CDC42EP5: variants seen among roughly 807,000 people sequenced by gnomAD.
CDC42EP5 encodes CDC42 effector protein 5, also known as CDC42 effector protein (Rho GTPase binding) 5.
For missense variants in CDC42EP5, 269 were observed against 238.0 expected, an observed-to-expected ratio of 1.13 and a Z score of -0.86; for synonymous variants, 118 against 123.3, an observed-to-expected ratio of 0.96 and a Z score of 0.28.
chr19:54,465,419 G>C lies in CDC42EP5; in HGVS notation c.129C>G (p.Phe43Leu). The C allele has an allele frequency of 6.9e-7, 1 of 1,450,924 alleles. No individual in the cohort carries two copies. 89.9% of individuals were successfully genotyped at this position (1,450,924 alleles called of 1,614,324 possible). A position where few individuals can be genotyped will look rare whatever the true frequency, so the allele number is the denominator to read the frequency against. ...TLHVGRGGDAFGDTSFLSRHG... is the reference protein window; with the variant it reads ...TLHVGRGGDALGDTSFLSRHG... The stretch of plus-strand genomic sequence containing the variant: ...GGCGGCTCAGGAACGAGGTGTCCCC[G>C]AAGGCGTCGCCGCCGCGCCCCACGT... The change falls in exon 3 of 3, where the codon TTC (phenylalanine) becomes TTG (leucine). Residue 43 changes from phenylalanine to leucine, a missense_variant. Physicochemically the swap from Phe to Leu is conservative, Grantham distance 22. Transcript: ENST00000301200.
Position 54,465,185 on chromosome 19 carries a change from C to A in CDC42EP5, c.363G>T (p.Ala121=). The A allele has an allele frequency of 7.0e-7, 1 of 1,427,886 alleles. No individual in the cohort carries two copies. The highest frequency in any genetic ancestry group is 3.0e-5 in the Admixed American group (1 of 33,392). 88.5% of individuals were successfully genotyped at this position (1,427,886 alleles called of 1,614,324 possible). ...GGGGCTGCGTCCCGGGGCGGGGTTC[C>A]GCGTCGGGCTTGGCGGCAGCCGCCT... The part of the protein sequence containing the change: ...RPEAAAAKPD[A]EPRPGTQPPQ... The change falls in exon 3 of 3, where the codon GCG becomes GCT. Residue 121 remains alanine, a synonymous_variant. Coordinates refer to ENST00000301200, the MANE Select transcript of CDC42EP5 (RefSeq NM_145057.4).
Position 54,465,336 on chromosome 19 carries a change from G to A in CDC42EP5, c.212C>T (p.Pro71Leu). 4 of 1,172,020 alleles carry A rather than the reference G, an allele frequency of 3.4e-6. No homozygotes were observed. Among genetic ancestry groups the A allele is most frequent in the Non-Finnish European group, 4.2e-6 (4 of 949,780 alleles). 72.6% of individuals were successfully genotyped at this position (1,172,020 alleles called of 1,614,324 possible). A position where few individuals can be genotyped will look rare whatever the true frequency, so the allele number is the denominator to read the frequency against. ...RAPPAGAPRS[P>L]PPPAVPQSAA... Reference sequence around the variant, plus strand: ...GGACTGCGGGACGGCGGGCGGCGGCGGGGAGCGCGGGGCCCCCGCGGGGGG... The same window carrying A: ...GGACTGCGGGACGGCGGGCGGCGGCAGGGAGCGCGGGGCCCCCGCGGGGGG... Residue 71 changes from proline (P) to leucine (L), a missense_variant, in exon 3 of 3, where the codon CCG becomes CTG. Transcript: ENST00000301200.
intron 2 of CDC42EP5, among the ~76,000 whole-genome samples, chr19:54,470,558 A>C (rs1203950522): frequency 6.6e-6 from 1 of 152,106 alleles, no homozygotes; most frequent in African/African-American, 2.4e-5. Flanking sequence ...GAAAAAAAGA[A>C]GGAAAGAAAG....
At chr19:54,469,816 TC>T (rs1278255238) in intron 2 of CDC42EP5, among the ~76,000 whole-genome samples, 1 of 152,012 alleles carries the variant, frequency 6.6e-6, no homozygotes, top group African/African-American at 2.4e-5. Context: ...CTGCCTCCAC[TC>T]TCTGCTGCCT....
Position 54,465,054 on chromosome 19 carries a change from T to A in CDC42EP5, c.*47A>T. ...GGCACACACCTTGGCCGTTTATGTA[T>A]ACAGAAGTGGGGTGCCGGGCGGGAA... On this transcript the variant is annotated 3_prime_UTR_variant, in exon 3 of 3. Transcript: ENST00000301200. The A allele has an allele frequency of 7.8e-7, 1 of 1,284,738 alleles. No homozygotes were observed. The highest frequency in any genetic ancestry group is 9.9e-7 in the Non-Finnish European group (1 of 1,011,488). 79.6% of individuals were successfully genotyped at this position (1,284,738 alleles called of 1,614,324 possible). A position where few individuals can be genotyped will look rare whatever the true frequency, so the allele number is the denominator to read the frequency against.
In CDC42EP5 at chr19:54,465,089, G is replaced by C; in HGVS notation, c.*12C>G. ...GGGTGCCGGGCGGGAAGGGCGCGGG[G>C]AATGAGGGAACCTAGAGGCCGATGA... On this transcript the variant is annotated 3_prime_UTR_variant, in exon 3 of 3. Coordinates refer to ENST00000301200, the MANE Select transcript of CDC42EP5 (RefSeq NM_145057.4). 7.6e-7 allele frequency: 1 copy of C among 1,322,330 alleles called. No individual in the cohort carries two copies. 81.9% of individuals were successfully genotyped at this position (1,322,330 alleles called of 1,614,324 possible). A position where few individuals can be genotyped will look rare whatever the true frequency, so the allele number is the denominator to read the frequency against.
At chr19:54,470,781 A>G (rs911956628) in intron 2 of CDC42EP5, among the ~76,000 whole-genome samples, 12 of 152,158 alleles carry the variant, frequency 7.9e-5, no homozygotes, top group African/African-American at 2.9e-4. Flanking sequence ...TGCGCGCCAG[A>G]TCTGGAATCC....
chr19:54,469,392 T>C (rs2084805549), intron 2 of CDC42EP5, among the ~76,000 whole-genome samples: 3 of 152,046 alleles, frequency 2.0e-5, no homozygotes, highest in Admixed American at 1.3e-4. Flanking sequence ...AAAAAAATCC[T>C]CTCTAGCTGC....
intron 2 of CDC42EP5, among the ~76,000 whole-genome samples, chr19:54,470,665 T>A (rs1339017135): frequency 6.6e-6 from 1 of 152,128 alleles, no homozygotes; most frequent in East Asian, 1.9e-4. Context: ...TCCCCATGAA[T>A]GAACTAATTT....
At chr19:54,468,087 T>C (rs1282539314) in intron 2 of CDC42EP5, among the ~76,000 whole-genome samples, 4 of 152,330 alleles carry the variant, frequency 2.6e-5, no homozygotes, top group Admixed American at 6.5e-5. Flanking sequence ...TCAGGATACA[T>C]AGAAAAGTCT....
In CDC42EP5 at chr19:54,473,202, T is replaced by G. The variant is rs1299358241; in HGVS notation, c.-280A>C. 1 of 152,846 alleles carries G rather than the reference T, an allele frequency of 6.5e-6. No individual in the cohort carries two copies. The highest frequency in any genetic ancestry group is 1.5e-5 in the Non-Finnish European group (1 of 68,578). 9.5% of individuals were successfully genotyped at this position (152,846 alleles called of 1,614,324 possible). On this transcript the variant is annotated 5_prime_UTR_variant, in exon 1 of 3. Coordinates refer to ENST00000301200, the MANE Select transcript of CDC42EP5 (RefSeq NM_145057.4). Reference sequence around the variant, plus strand: ...CAGGCTTTCTTATCCCCCAAAAGTTTGCCTCTAGGAGTTAAAGGACTAGAA... The same window carrying G: ...CAGGCTTTCTTATCCCCCAAAAGTTGGCCTCTAGGAGTTAAAGGACTAGAA...
chr19:54,467,568 CTT>C (rs550861744), intron 2 of CDC42EP5, among the ~76,000 whole-genome samples: 8 of 137,896 alleles, frequency 5.8e-5, no homozygotes, highest in East Asian at 2.1e-4. Context: ...GCACCAAATT[CTT>C]TTTTTTTTTT....
At position 54,465,292 on chromosome 19, in the gene CDC42EP5, C is replaced by A. The variant is rs866337782; in HGVS notation, c.256G>T (p.Asp86Tyr). 1 of 1,284,018 alleles carries A rather than the reference C, an allele frequency of 7.8e-7. No homozygotes were observed. Among genetic ancestry groups the A allele is most frequent in the African/African-American group, 1.5e-5 (1 of 64,848 alleles). 79.5% of individuals were successfully genotyped at this position (1,284,018 alleles called of 1,614,324 possible). Residue 86 changes from aspartate (D) to tyrosine (Y), a missense_variant, in exon 3 of 3, where the codon GAC becomes TAC. Coordinates refer to ENST00000301200, the MANE Select transcript of CDC42EP5 (RefSeq NM_145057.4). Reference sequence around the variant, plus strand: ...TCCAGGTGGAAGGACAGCAGCGGGTCGGCAGGCGAGGGCGCTGCGGACTGC... The same window carrying A: ...TCCAGGTGGAAGGACAGCAGCGGGTAGGCAGGCGAGGGCGCTGCGGACTGC... ...VPQSAAPSPA[D>Y]PLLSFHLDLG... is the part of the protein sequence containing the mutation.
intron 2 of CDC42EP5, among the ~76,000 whole-genome samples, chr19:54,467,831 A>G (rs184452652): frequency 2.6e-5 from 4 of 152,312 alleles, no homozygotes; most frequent in East Asian, 3.9e-4. Flanking sequence ...CCTAAATTCA[A>G]TATGAAATAG....
chr19:54,468,917 T>TTCCTTCCTTCCTTCCTTCCG (rs2084794684), intron 2 of CDC42EP5, among the ~76,000 whole-genome samples: 2 of 146,052 alleles, frequency 1.4e-5, no homozygotes, highest in Non-Finnish European at 3.0e-5. Context: ...CCTTCCTTCC[T>TTCCTTCCTTCCTTCCTTCCG]TCCTTCTTTC....
intron 2 of CDC42EP5, among the ~76,000 whole-genome samples, chr19:54,470,407 A>G (rs1183771102): frequency 6.6e-6 from 1 of 150,704 alleles, no homozygotes; most frequent in Admixed American, 6.6e-5. Context: ...GAGAGAGAGA[A>G]AAAGAGAGAG....
At chr19:54,467,421 C>G (rs1224498935) in intron 2 of CDC42EP5, among the ~76,000 whole-genome samples, 1 of 150,786 alleles carries the variant, frequency 6.6e-6, no homozygotes, top group Non-Finnish European at 1.5e-5. Context: ...CCATTGCATT[C>G]CAGCCTGGGT....
At chr19:54,470,255 C>T (rs182993550) in intron 2 of CDC42EP5, among the ~76,000 whole-genome samples, 207 of 152,114 alleles carry the variant, frequency 1.4e-3, no homozygotes, top group South Asian at 5.2e-3. Flanking sequence ...ACCTGCAGTT[C>T]CAGCTACCTG....
Position 54,466,974 on chromosome 19 carries a change from G to T in CDC42EP5, c.1-1427C>A, listed in dbSNP as rs976300307. Among the ~76,000 whole-genome samples the T allele has an allele frequency of 8.5e-4, 105 of 124,068 alleles. No individual in the cohort carries two copies. The Admixed American group carries it at 9.0e-3, about 11-fold the overall frequency. 81.4% of individuals were successfully genotyped at this position (124,068 alleles called of 152,430 possible). A position where few individuals can be genotyped will look rare whatever the true frequency, so the allele number is the denominator to read the frequency against. ...TGAGACGCTAATTTTTGTATTTTTA[G>T]TAGAGACAGGGTTTCACCATGTTGG... is the stretch of plus-strand genomic sequence containing the variant. On this transcript the variant is annotated intron_variant, in intron 2 of 2. Transcript: ENST00000301200.
Sources: allele counts gnomAD v4.1 joint callset (sites outside exome capture counted in the v4.1 genomes callset), GRCh38; gene constraint gnomAD v4.1.1; transcripts MANE v1.5; gene names NCBI Gene and HGNC (gene_info 2026-07-23, HGNC 2026-07-21).